The following TBC1D16 variants were observed in gnomAD, a reference collection of about 807,000 sequenced individuals.
The protein encoded by TBC1D16 is CTD-2529O21.1.
TBC1D16 carries 58 observed loss-of-function variants against 74.7 expected under a neutral mutation model. That is an observed-to-expected ratio of 0.78 (90% CI 0.63 to 0.97). The LOEUF (loss-of-function observed/expected upper bound fraction) is 0.97, where lower values mean the gene tolerates loss of function less well. TBC1D16 is among the 50% of genes least tolerant of loss of function. The probability of loss-of-function intolerance (pLI) is 0.00; values close to 1 mark genes in which losing one functional copy is unlikely to be tolerated. For synonymous variants in TBC1D16, 493 were observed against 474.7 expected (o/e 1.04, Z -0.50); for missense variants, 1,014 against 1,079.5 (o/e 0.94, Z 0.85).
chr17:80,024,368 CACAG>C (rs2036413034), intron 1 of TBC1D16, among the ~76,000 whole-genome samples: 1 of 148,984 alleles, frequency 6.7e-6, no homozygotes, highest in Non-Finnish European at 1.5e-5. Flanking sequence ...CAACACACAC[CACAG>C]ACACACACAC....
chr17:80,003,425 G>A (rs546227095), intron 3 of TBC1D16, among the ~76,000 whole-genome samples: 110 of 152,260 alleles, frequency 7.2e-4, no homozygotes, highest in African/African-American at 2.4e-3. Flanking sequence ...CTGGCGGCAC[G>A]GGACCCAAGG....
Position 79,939,759 on chromosome 17 carries a change from C to A in TBC1D16, c.*1100G>T, listed in dbSNP as rs2031834909. On this transcript the variant is annotated 3_prime_UTR_variant, in exon 12 of 12. Coordinates refer to ENST00000310924, the MANE Select transcript of TBC1D16 (RefSeq NM_019020.4). ...TCATTCCCACATAGAAGGCAGAGAG[C>A]CCTGAGTGCTGGCTCCTTCACTGTG... 1 of 152,164 alleles carries A rather than the reference C, an allele frequency of 6.6e-6. No homozygotes were observed. The allele number at this position is 152,164 out of a possible 1,614,324, so 9.4% of individuals were successfully genotyped here. A position where few individuals can be genotyped will look rare whatever the true frequency, so the allele number is the denominator to read the frequency against.
At chr17:79,943,547 C>T (rs1228305634) in intron 10 of TBC1D16, among the ~76,000 whole-genome samples, 11 of 152,066 alleles carry the variant, frequency 7.2e-5, no homozygotes, top group Non-Finnish European at 1.3e-4. Context: ...AGCTCACTCT[C>T]AGCTCATCAG....
At chr17:79,943,226 G>A (rs1033435560) in intron 10 of TBC1D16, among the ~76,000 whole-genome samples, 1 of 152,192 alleles carries the variant, frequency 6.6e-6, no homozygotes, top group African/African-American at 2.4e-5. Context: ...AATCTGGGAC[G>A]GTCTTGTTTT....
At position 79,954,370 on chromosome 17, in the gene TBC1D16, C is replaced by T. The variant is rs116515817; in HGVS notation, c.780-1552G>A. Among the ~76,000 whole-genome samples the T allele has an allele frequency of 0.024, 3,632 of 152,272 alleles. 146 individuals are homozygous for T. Among genetic ancestry groups the T allele is most frequent in the African/African-American group, 0.084 (3,482 of 41,550 alleles). ...CTGGCCTTTCTAGAGCCCTCTACTG[C>T]GTCAGGCATAGCCCTGGGCCTGGTG... On this transcript the variant is annotated intron_variant, in intron 3 of 11. Coordinates refer to ENST00000310924, the MANE Select transcript of TBC1D16 (RefSeq NM_019020.4). This position sits in a 1 kb window ranked among gnomAD's most constrained non-coding sequence, Gnocchi z 5.5.
At chr17:79,952,855 T>A in intron 3 of TBC1D16, 37 bp from the exon 4 acceptor site, 1 of 1,575,792 alleles carries the variant, frequency 6.3e-7, no homozygotes. Flanking sequence ...GCCACACTTC[T>A]CCCTGCCCAC....
intron 1 of TBC1D16, among the ~76,000 whole-genome samples, chr17:80,021,910 C>CACACACACACACT (rs2036300520): frequency 1.5e-5 from 1 of 68,030 alleles, no homozygotes; most frequent in Non-Finnish European, 3.7e-5. Flanking sequence ...TGACACACAC[C>CACACACACACACT]ATGACACACA....
chr17:80,014,402 A>C (rs60107354), intron 1 of TBC1D16, among the ~76,000 whole-genome samples: 2,646 of 152,282 alleles, frequency 0.017, 30 homozygotes, highest in Middle Eastern at 0.044. Context: ...GGATTAGTAT[A>C]CAGAATATAT....
rs1440328281 is a variant in TBC1D16 at position 79,956,164 on chromosome 17, G to A, written c.780-3346C>T. On this transcript the variant is annotated intron_variant, in intron 3 of 11. Transcript: ENST00000310924. The surrounding 1 kb of genome is among the most constrained non-coding windows in gnomAD (Gnocchi z 4.0). ...ACCCAAGCCTCCTGGTGGCTGCAGC[G>A]ACCTGAGTGAACTCCAGGGAGCCCA... Among the ~76,000 whole-genome samples, 3 of 152,192 alleles carry A rather than the reference G, an allele frequency of 2.0e-5. No homozygotes were observed. Among genetic ancestry groups the A allele is most frequent in the Non-Finnish European group, 4.4e-5 (3 of 68,040 alleles).
At chr17:80,014,805 A>C (rs990960213) in intron 1 of TBC1D16, among the ~76,000 whole-genome samples, 6 of 152,164 alleles carry the variant, frequency 3.9e-5, no homozygotes, top group Admixed American at 2.6e-4. Context: ...AAAAAGAAAA[A>C]AAAAATAGAA....
chr17:79,995,014 T>G (rs928579544), intron 3 of TBC1D16, among the ~76,000 whole-genome samples: 1 of 152,200 alleles, frequency 6.6e-6, no homozygotes, highest in African/African-American at 2.4e-5. Flanking sequence ...AAAATGTAGC[T>G]ATGGCCGGGC....
chr17:80,014,033 A>G (rs2036001659), intron 1 of TBC1D16, among the ~76,000 whole-genome samples: 1 of 152,202 alleles, frequency 6.6e-6, no homozygotes, highest in African/African-American at 2.4e-5. Flanking sequence ...CACCTGCATC[A>G]GCACAAATGA....
At chr17:80,029,761 G>C (rs778331745) in intron 1 of TBC1D16, among the ~76,000 whole-genome samples, 1 of 152,156 alleles carries the variant, frequency 6.6e-6, no homozygotes, top group Non-Finnish European at 1.5e-5. Context: ...TGTGACAAAT[G>C]ACACAAACTT....
At chr17:80,017,307 G>A (rs972217009) in intron 1 of TBC1D16, among the ~76,000 whole-genome samples, 3 of 152,104 alleles carry the variant, frequency 2.0e-5, no homozygotes, top group African/African-American at 7.2e-5. Context: ...AAGCTTTACT[G>A]ACAGACACTC....
At chr17:79,978,642 T>A (rs886556629) in intron 3 of TBC1D16, among the ~76,000 whole-genome samples, 7 of 152,346 alleles carry the variant, frequency 4.6e-5, no homozygotes, top group Non-Finnish European at 1.0e-4. Context: ...GTTTCTGAGC[T>A]TCCGTGGGTC....
At chr17:80,031,687 C>T (rs937434415) in intron 1 of TBC1D16, among the ~76,000 whole-genome samples, 4 of 152,186 alleles carry the variant, frequency 2.6e-5, no homozygotes, top group African/African-American at 9.7e-5. Flanking sequence ...ATTTCCCCCG[C>T]AAAGAGCCAA....
intron 1 of TBC1D16, among the ~76,000 whole-genome samples, chr17:80,018,177 GCAA>G (rs2036157402): frequency 1.1e-5 from 1 of 91,328 alleles, no homozygotes; most frequent in African/African-American, 4.0e-5. Flanking sequence ...TTTCTGGTAA[GCAA>G]AAAAAAAAAA....
chr17:79,942,111 C>T lies in TBC1D16; in HGVS notation c.2004G>A (p.Leu668=), dbSNP rs2032068356. Residue 668 remains leucine, a synonymous_variant, in exon 11 of 12, where the codon CTG becomes CTA. Transcript: ENST00000310924. ...TGTGCATGGCCAGGTTTCCGAAGTG[C>T]AGGAGCATCTGGTCCGTGGCCAGCT... is the stretch of plus-strand genomic sequence containing the variant. ...EQQLATDQML[L]HFGNLAMHMN... The T allele has an allele frequency of 6.2e-7, 1 of 1,612,214 alleles. No homozygotes were observed. The highest frequency in any genetic ancestry group is 8.5e-7 in the Non-Finnish European group (1 of 1,179,640).
Position 80,013,610 on chromosome 17 carries a change from C to G in TBC1D16, c.-62-1G>C. ...CCGGGCAGGGCTCGTCAAGACCTGC[C>G]TGGGGGAGGAAGAGAGAGGAGATGG... On this transcript the variant is annotated splice_acceptor_variant, in intron 1 of 11. Transcript: ENST00000310924. LOFTEE classifies it low-confidence loss of function (5UTR_SPLICE). 7.0e-7 allele frequency: 1 copy of G among 1,432,864 alleles called. No individual in the cohort carries two copies. The highest frequency in any genetic ancestry group is 9.2e-7 in the Non-Finnish European group (1 of 1,083,872). 88.8% of individuals were successfully genotyped at this position (1,432,864 alleles called of 1,614,324 possible). A position where few individuals can be genotyped will look rare whatever the true frequency, so the allele number is the denominator to read the frequency against.
Sources: gnomAD v4.1 joint callset for allele counts (sites outside exome capture counted in the v4.1 genomes callset) on GRCh38, gnomAD v4.1.1 for gene constraint, Gnocchi (gnomAD v3.1) non-coding constraint, MANE v1.5 for transcripts, NCBI Gene and HGNC (gene_info 2026-07-23, HGNC 2026-07-21) for gene names.